The following AMD1 variants were observed in gnomAD, a reference collection of about 807,000 sequenced individuals.
AMD1 encodes the protein S-adenosylmethionine decarboxylase proenzyme.
A neutral mutation model predicts 40.2 loss-of-function variants in AMD1; 11 were observed. The observed-to-expected ratio is 0.27, with a 90% CI of 0.17 to 0.45. The LOEUF (loss-of-function observed/expected upper bound fraction) is 0.45. AMD1 is among the 20% of genes least tolerant of loss of function. AMD1 has a pLI of 1.00. For missense variants in AMD1, 257 were observed against 410.2 expected (o/e 0.63, Z 3.23); for synonymous variants, 121 against 130.8 (o/e 0.93, Z 0.51).
chr6:110,875,457 G>A (rs1233615630), intron 1 of AMD1: 2 of 447,672 alleles, frequency 4.5e-6, no homozygotes, highest in African/African-American at 4.2e-5. Flanking sequence ...GGGAGGGGAG[G>A]AGGCCGGCGC....
chr6:110,887,657 G>T, intron 2 of AMD1, 66 bp downstream of exon 2: 1 of 1,138,884 alleles, frequency 8.8e-7, no homozygotes. Flanking sequence ...AAACAGTTAA[G>T]TTCCTCTCAG....
In AMD1 at chr6:110,892,948, A is replaced by G. The variant is rs1450346283; in HGVS notation, c.747A>G (p.Glu249=). 6.2e-7 allele frequency: 1 copy of G among 1,613,950 alleles called. No individual in the cohort carries two copies. The highest frequency in any genetic ancestry group is 1.7e-5 in the Admixed American group (1 of 59,996). ...CTATTCACATCACTCCAGAACCAGA[A>G]TTTTCTTATGTTAGCTTTGAAACAA... ...YWTIHITPEP[E]FSYVSFETNL... is the part of the protein sequence containing the mutation. The change falls in exon 8 of 9, where the codon GAA becomes GAG. Residue 249 remains glutamate (E), a synonymous_variant. Transcript: ENST00000368885.
At chr6:110,830,068 G>C in the AMD1 span, among the ~76,000 whole-genome samples, 1 of 151,984 alleles carries the variant, frequency 6.6e-6, no homozygotes, top group Non-Finnish European at 1.5e-5. Flanking sequence ...AGGCTGGAGT[G>C]CAGTGGCGCG....
chr6:110,865,006 T>C, the AMD1 span, among the ~76,000 whole-genome samples: 4 of 152,188 alleles, frequency 2.6e-5, no homozygotes, highest in Non-Finnish European at 4.4e-5. Context: ...GGCAACCGAA[T>C]ACAAATGCCA....
chr6:110,815,308 G>A, the AMD1 span: 12 of 643,052 alleles, frequency 1.9e-5, no homozygotes, highest in Admixed American at 4.5e-5. Context: ...GGACTCCTCG[G>A]CGGCCACAGC....
intron 3 of AMD1, chr6:110,889,708 A>G (rs1041515070): frequency 1.3e-5 from 2 of 152,590 alleles, no homozygotes; most frequent in Non-Finnish European, 2.9e-5. Flanking sequence ...TCAGTCTCCT[A>G]AAGTGCTGGG....
the AMD1 span, among the ~76,000 whole-genome samples, chr6:110,818,935 T>C: frequency 6.6e-6 from 1 of 152,218 alleles, no homozygotes; most frequent in East Asian, 1.9e-4. Flanking sequence ...TAGGAAGCTA[T>C]TACACACTTT....
chr6:110,817,313 C>T, the AMD1 span, among the ~76,000 whole-genome samples: 1 of 152,172 alleles, frequency 6.6e-6, no homozygotes, highest in Non-Finnish European at 1.5e-5. Flanking sequence ...CTTCCTTAGA[C>T]CTTGAGTCTC....
the AMD1 span, among the ~76,000 whole-genome samples, chr6:110,854,541 C>A: frequency 2.0e-5 from 3 of 151,976 alleles, no homozygotes; most frequent in Admixed American, 2.0e-4. Flanking sequence ...CTCTGCCTCC[C>A]GGGTTCAAAC....
At chr6:110,877,641 A>G (rs986342905) in intron 1 of AMD1, among the ~76,000 whole-genome samples, 26 of 152,392 alleles carry the variant, frequency 1.7e-4, no homozygotes, top group African/African-American at 4.8e-4. Context: ...AATGGAGACA[A>G]TAATGGTACA....
At chr6:110,860,835 A>ACC in the AMD1 span, among the ~76,000 whole-genome samples, 444 of 109,512 alleles carry the variant, frequency 4.1e-3, 1 homozygote, top group Admixed American at 6.8e-3. Flanking sequence ...ACACCCACCC[A>ACC]CACACACACA....
At chr6:110,846,280 T>G in the AMD1 span, among the ~76,000 whole-genome samples, 1 of 152,108 alleles carries the variant, frequency 6.6e-6, no homozygotes, top group Admixed American at 6.6e-5. Flanking sequence ...GATTGTCACA[T>G]TTAACAGAAA....
rs773478471 is a variant in AMD1 at position 110,893,484 on chromosome 6, A to G, written c.873A>G (p.Lys291=). ...VTTLFVNQSS[K]CRTVLASPQK... Reference sequence around the variant, plus strand: ...TTAATTTTTTCCCCCAGAGTTCTAAATGTCGCACAGTGCTTGCTTCGCCCC... The same window carrying G: ...TTAATTTTTTCCCCCAGAGTTCTAAGTGTCGCACAGTGCTTGCTTCGCCCC... The change falls in exon 9 of 9, where the codon AAA becomes AAG. Residue 291 remains lysine, a synonymous_variant. Coordinates refer to ENST00000368885, the MANE Select transcript of AMD1 (RefSeq NM_001634.6). 2 of 1,613,908 alleles carry G rather than the reference A, an allele frequency of 1.2e-6. No homozygotes were observed. The highest frequency in any genetic ancestry group is 1.7e-6 in the Non-Finnish European group (2 of 1,179,828).
chr6:110,834,344 AAAT>A, the AMD1 span, among the ~76,000 whole-genome samples: 1 of 151,658 alleles, frequency 6.6e-6, no homozygotes, highest in Non-Finnish European at 1.5e-5. Context: ...ATCTCCTAAA[AAAT>A]AATAATAATA....
the AMD1 span, among the ~76,000 whole-genome samples, chr6:110,867,226 T>C: frequency 6.6e-6 from 1 of 151,864 alleles, no homozygotes; most frequent in Non-Finnish European, 1.5e-5. Context: ...TAGCTCACTG[T>C]AACCTCAAAT....
the AMD1 span, among the ~76,000 whole-genome samples, chr6:110,835,156 C>T: frequency 4.0e-5 from 6 of 150,328 alleles, no homozygotes; most frequent in South Asian, 1.3e-3. Context: ...GTAGCTGGGA[C>T]TACAGGCGCC....
At chr6:110,875,395 G>A (rs933404091) in intron 1 of AMD1, among the ~76,000 whole-genome samples, 180 bp downstream of exon 1, 1 of 152,140 alleles carries the variant, frequency 6.6e-6, no homozygotes, top group East Asian at 1.9e-4. Flanking sequence ...ATGTCCACGC[G>A]GGCCGGAGCC....
At chr6:110,835,113 G>T in the AMD1 span, among the ~76,000 whole-genome samples, 1 of 150,420 alleles carries the variant, frequency 6.6e-6, no homozygotes, top group Non-Finnish European at 1.5e-5. Context: ...CTGCCTCCTG[G>T]GTTCACACCA....
intron 1 of AMD1, among the ~76,000 whole-genome samples, chr6:110,884,637 G>T (rs1421018120): frequency 6.6e-6 from 1 of 151,880 alleles, no homozygotes; most frequent in Non-Finnish European, 1.5e-5. Context: ...TTGCTATGTT[G>T]CCCAGGCTGG....
Sources: gnomAD v4.1 joint callset for allele counts (sites outside exome capture counted in the v4.1 genomes callset) on GRCh38, gnomAD v4.1.1 for gene constraint, MANE v1.5 for transcripts, NCBI Gene and HGNC (gene_info 2026-07-23, HGNC 2026-07-21) for gene names.